The following ERAP1 variants were observed in gnomAD, a reference collection of about 807,000 sequenced individuals.
ERAP1 encodes adipocyte-derived leucine aminopeptidase.
Under a neutral mutation model 103.7 loss-of-function variants are expected in ERAP1, and 86 were observed. That is an observed-to-expected ratio of 0.83 (90% CI 0.70 to 0.99). The LOEUF is 0.99. Among genes scored for constraint, ERAP1 ranks in the 50% least tolerant of loss-of-function variants. The pLI, the probability that ERAP1 is intolerant of heterozygous loss-of-function variation, is 0.00. For synonymous variants in ERAP1, 398 were observed against 402.4 expected, an observed-to-expected ratio of 0.99 and a Z score of 0.13; for missense variants, 1,009 against 1,128.4, an observed-to-expected ratio of 0.89 and a Z score of 1.52.
At chr5:96,832,975 A>G in the ERAP1 span, among the ~76,000 whole-genome samples, 1 of 152,178 alleles carries the variant, frequency 6.6e-6, no homozygotes, top group Non-Finnish European at 1.5e-5. Context: ...TATAAAAGGG[A>G]TCCCGGGGAG....
At chr5:96,908,752 T>A in the ERAP1 span, among the ~76,000 whole-genome samples, 14 of 152,184 alleles carry the variant, frequency 9.2e-5, no homozygotes, top group Non-Finnish European at 1.8e-4. Context: ...TTATCCCCAT[T>A]GTATAAAGAA....
chr5:96,903,236 G>A, the ERAP1 span: 11 of 613,902 alleles, frequency 1.8e-5, no homozygotes, highest in South Asian at 2.6e-5. Context: ...AGTGAACTAC[G>A]AAAATGAATA....
chr5:96,860,432 A>T, the ERAP1 span, among the ~76,000 whole-genome samples: 13 of 152,234 alleles, frequency 8.5e-5, no homozygotes, highest in Admixed American at 7.9e-4. Context: ...TATAATGATA[A>T]ATTAGGCCTG....
In ERAP1 at chr5:96,805,357, T is replaced by TAAA. The variant is rs57338770; in HGVS notation, c.-17-1417_-17-1415dup. Among the ~76,000 whole-genome samples the TAAA allele has an allele frequency of 7.1e-3, 981 of 138,910 alleles. 6 individuals carry two copies. The highest frequency in any genetic ancestry group is 0.024 in the South Asian group (106 of 4,400). The allele number at this position is 138,910 out of a possible 152,430, so 91.1% of individuals were successfully genotyped here. A position where few individuals can be genotyped will look rare whatever the true frequency, so the allele number is the denominator to read the frequency against. The stretch of plus-strand genomic sequence containing the variant: ...ATTTCTGGTTTTTGGTTTTTTTTTT[T>TAAA]AAAAAAAAAAAAAACTGTCCAGAGA... On this transcript the variant is annotated intron_variant, in intron 1 of 18. Coordinates refer to ENST00000443439, the MANE Select transcript of ERAP1 (RefSeq NM_001040458.3).
chr5:96,785,904 A>C lies in ERAP1; in HGVS notation c.1827T>G (p.Ile609Met). Residue 609 changes from isoleucine to methionine, a missense_variant, in exon 13 of 19, where the codon ATT becomes ATG. Coordinates refer to ENST00000443439, the MANE Select transcript of ERAP1 (RefSeq NM_001040458.3). ...CCCATCCATCATCCTCGTAATGCAC[A>C]ATGTAATAGCCATTCATGCCCACAT... ...KFNVGMNGYY[I>M]VHYEDDGWDS... 1 of 1,614,192 alleles carries C rather than the reference A, an allele frequency of 6.2e-7. No homozygotes were observed. The highest frequency in any genetic ancestry group is 2.2e-5 in the East Asian group (1 of 44,888).
chr5:96,782,844 T>C (rs1193649193), intron 15 of ERAP1, among the ~76,000 whole-genome samples: 1 of 152,184 alleles, frequency 6.6e-6, no homozygotes, highest in African/African-American at 2.4e-5. Context: ...TCCCCAGATA[T>C]TTGACTTTTA....
At chr5:96,932,595 A>C in the ERAP1 span, among the ~76,000 whole-genome samples, 1 of 152,216 alleles carries the variant, frequency 6.6e-6, no homozygotes, top group African/African-American at 2.4e-5. Flanking sequence ...GTTCCAGTCC[A>C]TGTCTGCTCG....
chr5:96,912,725 T>C, the ERAP1 span: 1 of 1,603,860 alleles, frequency 6.2e-7, no homozygotes, highest in Admixed American at 1.8e-5. Context: ...ATATGAACTG[T>C]CAATGTCAAG....
chr5:96,861,257 GGGTT>G, the ERAP1 span, among the ~76,000 whole-genome samples: 2 of 152,262 alleles, frequency 1.3e-5, no homozygotes, highest in South Asian at 4.1e-4. Flanking sequence ...GCATCAGTGT[GGGTT>G]TTCCCTGGGG....
intron 4 of ERAP1, 67 bp downstream of exon 4, chr5:96,797,108 A>T: frequency 6.2e-7 from 1 of 1,604,202 alleles, no homozygotes; most frequent in Non-Finnish European, 8.5e-7. Flanking sequence ...GCAGACTTCC[A>T]GTTTTAAAAC....
intron 19 of ERAP1, chr5:96,767,865 C>A: frequency 7.6e-7 from 1 of 1,317,616 alleles, no homozygotes; most frequent in South Asian, 1.2e-5. Flanking sequence ...TGCATTTTGC[C>A]TTCTGCTTCT....
intron 10 of ERAP1, 143 bp downstream of exon 10, chr5:96,790,153 T>C: frequency 1.3e-6 from 1 of 760,274 alleles, no homozygotes; most frequent in East Asian, 2.7e-5. Context: ...AGATTATGAG[T>C]ATGGAATAGT....
intron 10 of ERAP1, among the ~76,000 whole-genome samples, chr5:96,789,106 AC>A (rs1776426551): frequency 6.6e-6 from 1 of 152,232 alleles, no homozygotes; most frequent in Non-Finnish European, 1.5e-5. Flanking sequence ...TAAAGTGAGA[AC>A]ACAGAGATGA....
At chr5:96,804,881 G>A (rs1410771788) in intron 1 of ERAP1, 1 of 150,578 alleles carries the variant, frequency 6.6e-6, no homozygotes, top group African/African-American at 2.4e-5. Flanking sequence ...GGGAGGCAGA[G>A]TTGCAGTGAG....
the ERAP1 span, among the ~76,000 whole-genome samples, chr5:96,857,820 G>A: frequency 6.6e-6 from 1 of 152,168 alleles, no homozygotes; most frequent in African/African-American, 2.4e-5. Flanking sequence ...GAGAAAACCT[G>A]TTTTGTATTC....
At chr5:96,804,945 A>G (rs1292277255) in intron 1 of ERAP1, 1 of 39,884 alleles carries the variant, frequency 2.5e-5, no homozygotes, top group Non-Finnish European at 5.3e-5. Context: ...CTCTGTCTTT[A>G]AAAAAAAAAA....
the ERAP1 span, among the ~76,000 whole-genome samples, chr5:96,889,928 G>A: frequency 6.6e-6 from 1 of 152,024 alleles, no homozygotes; most frequent in Non-Finnish European, 1.5e-5. Flanking sequence ...TACAAGGTCA[G>A]CAATCTTTTA....
the ERAP1 span, among the ~76,000 whole-genome samples, chr5:96,856,688 T>C: frequency 6.6e-6 from 1 of 152,148 alleles, no homozygotes; most frequent in South Asian, 2.1e-4. Flanking sequence ...CATAGATCCC[T>C]GACTGGCCCC....
intron 1 of ERAP1, chr5:96,804,348 A>G: frequency 3.3e-6 from 1 of 307,370 alleles, no homozygotes; most frequent in Non-Finnish European, 6.3e-6. Context: ...CAAAACCAGA[A>G]CCATATCAGA....
Sources: gnomAD v4.1 joint callset for allele counts (sites outside exome capture counted in the v4.1 genomes callset) on GRCh38, gnomAD v4.1.1 for gene constraint, MANE v1.5 for transcripts, NCBI Gene and HGNC (gene_info 2026-07-23, HGNC 2026-07-21) for gene names.